The following NAV1 variants were observed in gnomAD, a reference collection of about 807,000 sequenced individuals.
NAV1 encodes neuron navigator 1.
Under a neutral mutation model 175.2 loss-of-function variants are expected in NAV1, and 18 were observed. The ratio of observed to expected loss-of-function variants is 0.10; its 90% CI spans 0.07 to 0.15. The LOEUF is 0.15. Ranked by LOEUF, NAV1 falls within the 10% of genes least tolerant of loss-of-function variation. The pLI is 1.00. For synonymous variants in NAV1, 897 were observed against 978.7 expected, an observed-to-expected ratio of 0.92 and a Z score of 1.56; for missense variants, 1,731 against 2,436.6, an observed-to-expected ratio of 0.71 and a Z score of 6.10.
rs1299432087 is a variant in NAV1, at chr1:201,616,309, T to C, written c.-32-6544T>C. On this transcript the variant is annotated intron_variant, in intron 2 of 33. Transcript: ENST00000685211. Reference sequence around the variant, plus strand: ...TCTCTTTAAAGAGCAGGAGTCTGTATTGGGGCACTGACGGATAGACCCAGG... The same window carrying C: ...TCTCTTTAAAGAGCAGGAGTCTGTACTGGGGCACTGACGGATAGACCCAGG... Among the ~76,000 whole-genome samples the C allele has an allele frequency of 2.0e-5, 3 of 152,144 alleles. No homozygotes were observed. In the South Asian group the frequency reaches 6.2e-4, roughly 32 times the overall value.
At chr1:201,579,663 A>C (rs1666792247) in intron 1 of NAV1, among the ~76,000 whole-genome samples, 1 of 152,080 alleles carries the variant, frequency 6.6e-6, no homozygotes, top group Non-Finnish European at 1.5e-5. Flanking sequence ...GCCTCAGTCT[A>C]CCTTTTTATC....
At chr1:201,713,454 C>T (rs773031405) in intron 2 of NAV1, among the ~76,000 whole-genome samples, 3 of 152,220 alleles carry the variant, frequency 2.0e-5, no homozygotes, top group Non-Finnish European at 4.4e-5. Flanking sequence ...GCTCCATGCC[C>T]TGTTAGGTGT....
chr1:201,781,026 A>C, exon 5 of NAV1: 1 of 1,611,640 alleles, frequency 6.2e-7, no homozygotes, highest in Non-Finnish European at 8.5e-7. Flanking sequence ...GCACAGACTC[A>C]GAGAAGCGCT....
At chr1:201,609,641 G>T (rs997976721) in intron 2 of NAV1, among the ~76,000 whole-genome samples, 2 of 152,232 alleles carry the variant, frequency 1.3e-5, no homozygotes, top group African/African-American at 2.4e-5. Flanking sequence ...GGAGCTGACA[G>T]GTCTGGTGGG....
chr1:201,607,759 T>C (rs1667727512), intron 2 of NAV1, among the ~76,000 whole-genome samples: 1 of 152,210 alleles, frequency 6.6e-6, no homozygotes, highest in South Asian at 2.1e-4. Flanking sequence ...CCCAAAGTGC[T>C]GGGATTATAG....
intron 2 of NAV1, among the ~76,000 whole-genome samples, chr1:201,636,296 C>A (rs1018880547): frequency 1.3e-5 from 2 of 152,168 alleles, no homozygotes; most frequent in Non-Finnish European, 2.9e-5. Context: ...CATCCCAAGA[C>A]CCCCCAAACC....
intron 3 of NAV1, among the ~76,000 whole-genome samples, chr1:201,741,061 A>C (rs982807699): frequency 1.3e-5 from 2 of 152,180 alleles, no homozygotes; most frequent in African/African-American, 4.8e-5. Flanking sequence ...AATCTCAGGC[A>C]GCCCAGACCT....
chr1:201,702,153 T>C (rs946838917), intron 1 of NAV1, among the ~76,000 whole-genome samples: 2 of 152,166 alleles, frequency 1.3e-5, no homozygotes, highest in African/African-American at 4.8e-5. Context: ...CATGATTACA[T>C]TTCTATGAAA....
At chr1:201,641,934 C>T (rs765227837) in intron 2 of NAV1, among the ~76,000 whole-genome samples, 36 of 151,900 alleles carry the variant, frequency 2.4e-4, no homozygotes, top group Non-Finnish European at 4.1e-4. Context: ...CTCCCTCCCT[C>T]CTTTCTTTCT....
chr1:201,742,661 A>G (rs760435595), intron 3 of NAV1, among the ~76,000 whole-genome samples: 71 of 152,130 alleles, frequency 4.7e-4, no homozygotes, highest in Non-Finnish European at 2.5e-4. Flanking sequence ...ATCAGTGGGA[A>G]CAAGACTCGC....
intron 15 of NAV1, 85 bp from the exon 20 acceptor site, chr1:201,803,508 C>CT (rs1678069925): frequency 6.8e-7 from 1 of 1,468,338 alleles, no homozygotes; most frequent in Non-Finnish European, 9.2e-7. Context: ...TCTCCTTTCT[C>CT]TTATCTTCTG....
At position 201,808,957 on chromosome 1, in the gene NAV1, G is replaced by A. The variant is rs565799515; in HGVS notation, c.4207+86G>A. 2.0e-6 allele frequency: 3 copies of A among 1,513,136 alleles called. No homozygotes were observed. Among genetic ancestry groups the A allele is most frequent in the East Asian group, 4.5e-5 (2 of 44,184 alleles). The allele number at this position is 1,513,136 out of a possible 1,614,324, so 93.7% of individuals were successfully genotyped here. A position where few individuals can be genotyped will look rare whatever the true frequency, so the allele number is the denominator to read the frequency against. On this transcript the variant is annotated intron_variant, in intron 20 of 29. Transcript: ENST00000367296. The surrounding 1 kb of genome is among the most constrained non-coding windows in gnomAD (Gnocchi z 5.5). ...TACACCATTCCACTTGCTTTGGTCA[G>A]GGCGGTAACAATGCCGAAGCCAAGC...
intron 1 of NAV1, among the ~76,000 whole-genome samples, chr1:201,677,616 C>T (rs1447695302): frequency 6.6e-6 from 1 of 152,078 alleles, no homozygotes; most frequent in East Asian, 1.9e-4. Flanking sequence ...CCCCTAAACT[C>T]ACCATCTTTT....
At chr1:201,646,505 AT>A (rs886739915), upstream of NAV1, among the ~76,000 whole-genome samples, 5 of 152,224 alleles carry the variant, frequency 3.3e-5, no homozygotes, top group African/African-American at 1.2e-4. Flanking sequence ...CAGACAGGAA[AT>A]ACAAGAGTCC....
intron 1 of NAV1, among the ~76,000 whole-genome samples, chr1:201,691,607 G>A (rs1396871724): frequency 6.6e-6 from 1 of 152,204 alleles, no homozygotes; most frequent in African/African-American, 2.4e-5. Context: ...GAATGAACAG[G>A]TGTCTCTAGG....
chr1:201,752,376 T>G (rs557571249), intron 3 of NAV1, among the ~76,000 whole-genome samples: 7 of 152,262 alleles, frequency 4.6e-5, no homozygotes, highest in African/African-American at 1.4e-4. Context: ...GTTCCTTGGT[T>G]GTATTAATAA....
At chr1:201,602,664 T>TC (rs1667554547) in intron 2 of NAV1, among the ~76,000 whole-genome samples, 5 of 121,514 alleles carry the variant, frequency 4.1e-5, no homozygotes, top group African/African-American at 1.4e-4. Context: ...TTTTTTTTTT[T>TC]TGGTTTTTTT....
chr1:201,793,597 G>T (rs1044097990), intron 13 of NAV1, 195 bp from the exon 18 acceptor site: 6 of 557,044 alleles, frequency 1.1e-5, no homozygotes, highest in Non-Finnish European at 1.9e-5. Context: ...CAAGAAGCTG[G>T]TTCCCACCAG....
chr1:201,545,465 C>T (rs555765436), intron 1 of NAV1, among the ~76,000 whole-genome samples: 1 of 151,912 alleles, frequency 6.6e-6, no homozygotes, highest in South Asian at 2.1e-4. Flanking sequence ...ATTCCAGATA[C>T]ATGTTGGCCA....
Sources: gnomAD v4.1 joint callset for allele counts (sites outside exome capture counted in the v4.1 genomes callset) on GRCh38, gnomAD v4.1.1 for gene constraint, Gnocchi (gnomAD v3.1) non-coding constraint, MANE v1.5 for transcripts, NCBI Gene and HGNC (gene_info 2026-07-23, HGNC 2026-07-21) for gene names.